Variants in NLRC3 observed in about 807,000 individuals in gnomAD.
The protein encoded by NLRC3 is NLR family CARD domain containing 3.
In NLRC3, 87 loss-of-function variants were observed where a neutral mutation model predicts 91.6. The observed-to-expected ratio is 0.95, with a 90% CI of 0.80 to 1.14. The LOEUF (loss-of-function observed/expected upper bound fraction) is 1.14. Among genes scored for constraint, NLRC3 ranks in the 50% most tolerant of loss-of-function variants. The pLI, the probability that NLRC3 is intolerant of heterozygous loss-of-function variation, is 0.00. For missense variants in NLRC3, 1,577 were observed against 1,418.6 expected (o/e 1.11, Z -1.79); for synonymous variants, 694 against 625.3 (o/e 1.11, Z -1.64).
At chr16:3,562,292 G>A (rs2039647656) in intron 5 of NLRC3, among the ~76,000 whole-genome samples, 2 of 152,140 alleles carry the variant, frequency 1.3e-5, no homozygotes, top group South Asian at 4.1e-4. Context: ...GTTAAGGTGG[G>A]GCCATGCTGA....
chr16:3,541,650 G>A lies in NLRC3; in HGVS notation c.*175C>T, dbSNP rs1171273942. On this transcript the variant is annotated 3_prime_UTR_variant, in exon 20 of 20. Transcript: ENST00000359128. The stretch of plus-strand genomic sequence containing the variant: ...CCCTGCCTGGACCACTCCTGCAGCA[G>A]AAGAGGAGCTCACGACCTCCTCCGG... 4 of 604,788 alleles carry A rather than the reference G, an allele frequency of 6.6e-6. No individual in the cohort carries two copies. Among genetic ancestry groups the A allele is most frequent in the Non-Finnish European group, 1.2e-5 (4 of 339,092 alleles). 37.5% of individuals were successfully genotyped at this position (604,788 alleles called of 1,614,324 possible).
At chr16:3,549,089 G>T in intron 13 of NLRC3, 53 bp downstream of exon 13, 2 of 1,339,232 alleles carry the variant, frequency 1.5e-6, no homozygotes, top group South Asian at 2.5e-5. Flanking sequence ...GGCTCGGTGT[G>T]GGTGTGGTCA....
chr16:3,542,755 C>A lies in NLRC3; in HGVS notation c.2960G>T (p.Gly987Val). Reference sequence around the variant, plus strand: ...TGCCAGGGCTTTGGCTCCAGCCACCCCAATGGCATTTCCTCTTAAGCTGTT... The same window carrying A: ...TGCCAGGGCTTTGGCTCCAGCCACCACAATGGCATTTCCTCTTAAGCTGTT... ...EILDLRGNAI[G>V]VAGAKALANA... The change falls in exon 18 of 20, where the codon GGG becomes GTG. Residue 987 changes from glycine (G) to valine (V), a missense_variant. Gly to Val is a moderately radical substitution (Grantham distance 109). Transcript: ENST00000359128. 6.2e-7 allele frequency: 1 copy of A among 1,608,260 alleles called. No homozygotes were observed. The highest frequency in any genetic ancestry group is 1.8e-4 in the Middle Eastern group (1 of 5,696).
chr16:3,548,611 G>A, intron 14 of NLRC3, 59 bp downstream of exon 14: 2 of 1,300,956 alleles, frequency 1.5e-6, no homozygotes, highest in Middle Eastern at 1.8e-4. Context: ...GTTGGTTTGG[G>A]TGGAGCCCGG....
rs774771502 is a variant in NLRC3, at chr16:3,554,303, C to T, written c.2206G>A (p.Asp736Asn). Residue 736 changes from aspartate (D) to asparagine (N), a missense_variant, in exon 9 of 20, where the codon GAT becomes AAT. Physicochemically the swap from Asp to Asn is conservative, Grantham distance 23 (BLOSUM62 1). Transcript: ENST00000359128. ...SLSLQGNTVRDDGARSMAEAL... is the reference protein window; with the variant it reads ...SLSLQGNTVRNDGARSMAEAL... ...TCAGCCATGGACCTGGCACCATCAT[C>T]CCTAACGGTGTTGCCCTGGAGGCTG... 17 of 1,613,664 alleles carry T rather than the reference C, an allele frequency of 1.1e-5. No individual in the cohort carries two copies. The highest frequency in any genetic ancestry group is 1.4e-5 in the Non-Finnish European group (17 of 1,179,720).
At chr16:3,569,262 C>T (rs546858707) in intron 1 of NLRC3, among the ~76,000 whole-genome samples, 72 of 143,904 alleles carry the variant, frequency 5.0e-4, no homozygotes, top group African/African-American at 1.7e-3. Flanking sequence ...TGCAGTGAGG[C>T]GAAAACGCAC....
intron 1 of NLRC3, among the ~76,000 whole-genome samples, chr16:3,574,432 G>C (rs543410324): frequency 6.6e-6 from 1 of 152,260 alleles, no homozygotes; most frequent in African/African-American, 2.4e-5. Flanking sequence ...GACCCGAGCG[G>C]GGCTGGGAGA....
At chr16:3,544,207 G>A in intron 16 of NLRC3, 39 bp downstream of exon 16, 1 of 1,261,248 alleles carries the variant, frequency 7.9e-7, no homozygotes, top group Non-Finnish European at 1.2e-6. Flanking sequence ...GATGGCGAAG[G>A]GACCGGTTTC....
At position 3,541,250 on chromosome 16, in the gene NLRC3, C is replaced by T. The variant is rs1275687197; in HGVS notation, c.*575G>A. 6.6e-6 allele frequency: 1 copy of T among 152,270 alleles called. No homozygotes were observed. The highest frequency in any genetic ancestry group is 1.5e-5 in the Non-Finnish European group (1 of 68,112). 9.4% of individuals were successfully genotyped at this position (152,270 alleles called of 1,614,324 possible). Reference sequence around the variant, plus strand: ...AAAATCCTTGGAGAACTCTTACTGTCTCTGTTTCCAGAATCCTAGAATTAA... The same window carrying T: ...AAAATCCTTGGAGAACTCTTACTGTTTCTGTTTCCAGAATCCTAGAATTAA... On this transcript the variant is annotated 3_prime_UTR_variant, in exon 20 of 20. Transcript: ENST00000359128.
At position 3,564,652 on chromosome 16, in the gene NLRC3, G is replaced by A. The variant is rs772787337; in HGVS notation, c.285C>T (p.Gly95=). The A allele has an allele frequency of 1.9e-6, 3 of 1,606,168 alleles. No homozygotes were observed. The African/African-American group carries it at 4.0e-5, about 21-fold the overall frequency. The change falls in exon 5 of 20, where the codon GGC becomes GGT. Residue 95 remains glycine (G), a synonymous_variant. Coordinates refer to ENST00000359128, the MANE Select transcript of NLRC3 (RefSeq NM_178844.4). This position sits in a 1 kb window ranked among gnomAD's most constrained non-coding sequence, Gnocchi z 5.9. ...HRLASLLLVE[G]LTDLQLREHD... ...GTTCCCTCAGCTGCAGGTCCGTCAG[G>A]CCCTCCACCAGCAGGAGGGAGGCCA...
Position 3,552,296 on chromosome 16 carries a change from AG to A in NLRC3, c.2268-18del. On this transcript the variant is annotated intron_variant, in intron 9 of 19. Transcript: ENST00000359128. The stretch of plus-strand genomic sequence containing the variant: ...TTCTGCAGGCTGTGGGAGAAAAGAG[AG>A]GGGTCCTTTAGAAAGGCTGGTCACA... The A allele has an allele frequency of 2.5e-6, 4 of 1,598,070 alleles. No individual in the cohort carries two copies. The highest frequency in any genetic ancestry group is 3.4e-6 in the Non-Finnish European group (4 of 1,165,726).
At chr16:3,551,855 C>A (rs946423805) in intron 10 of NLRC3, among the ~76,000 whole-genome samples, 1 of 150,638 alleles carries the variant, frequency 6.6e-6, no homozygotes, top group African/African-American at 2.4e-5. Context: ...ACCCATCCAC[C>A]ACTACCCACC....
intron 1 of NLRC3, among the ~76,000 whole-genome samples, chr16:3,568,024 C>A (rs1228005097): frequency 2.0e-5 from 3 of 151,820 alleles, no homozygotes; most frequent in Non-Finnish European, 2.9e-5. Flanking sequence ...TGCCACCACA[C>A]CTGGCTAATT....
rs147966529 is a variant in NLRC3 at position 3,539,955 on chromosome 16, A to T, written c.*1870T>A. 6.6e-6 allele frequency: 1 copy of T among 152,140 alleles called. No individual in the cohort carries two copies. Among genetic ancestry groups the T allele is most frequent in the African/African-American group, 2.4e-5 (1 of 41,422 alleles). The allele number at this position is 152,140 out of a possible 1,614,324, so 9.4% of individuals were successfully genotyped here. Reference sequence around the variant, plus strand: ...CATTTATTCTGCAGAATATCTGTCAATTTGGATTTTTTCTAATTGTTCTTT... The same window carrying T: ...CATTTATTCTGCAGAATATCTGTCATTTTGGATTTTTTCTAATTGTTCTTT... On this transcript the variant is annotated 3_prime_UTR_variant, in exon 20 of 20. Transcript: ENST00000359128.
chr16:3,574,487 G>A (rs2040213280), intron 1 of NLRC3, among the ~76,000 whole-genome samples: 1 of 152,108 alleles, frequency 6.6e-6, no homozygotes, highest in African/African-American at 2.4e-5. Context: ...GGGTTGGGGC[G>A]AGGCAGGACT....
In NLRC3 at chr16:3,563,897, G is replaced by A. The variant is rs761093276; in HGVS notation, c.1040C>T (p.Thr347Met). 5.6e-6 allele frequency: 9 copies of A among 1,595,588 alleles called. No homozygotes were observed. The highest frequency in any genetic ancestry group is 2.7e-5 in the African/African-American group (2 of 74,522). Residue 347 changes from threonine (T) to methionine (M), a missense_variant, in exon 5 of 20, where the codon ACG (threonine) becomes ATG (methionine). By Grantham distance (81) the Thr-to-Met change is moderately conservative. Coordinates refer to ENST00000359128, the MANE Select transcript of NLRC3 (RefSeq NM_178844.4). ...CCACAGCTCTGCATCCTGGGGCCCC[G>A]TCCTGCTGCGCCACAGGTGGCCTAG... ...MALGHLWRSR[T>M]GPQDAELWPP...
At chr16:3,572,111 A>G (rs1414145455) in intron 1 of NLRC3, among the ~76,000 whole-genome samples, 3 of 152,106 alleles carry the variant, frequency 2.0e-5, no homozygotes, top group Non-Finnish European at 4.4e-5. Flanking sequence ...AGAATTATGA[A>G]CCCCAAATGA....
chr16:3,571,662 C>T (rs1312738857), intron 1 of NLRC3, among the ~76,000 whole-genome samples: 1 of 151,698 alleles, frequency 6.6e-6, no homozygotes, highest in East Asian at 1.9e-4. Flanking sequence ...AAAATATTTG[C>T]CAGGCGTGGT....
rs1302824837 is a variant in NLRC3, at chr16:3,541,582, G to A, written c.*243C>T. ...GCCTTTGGCCCCTAGTCCCTTGGGGGTGGCCCCTCCCTTCTCTGTGCCATA... is the reference window on the plus strand; with the variant it reads ...GCCTTTGGCCCCTAGTCCCTTGGGGATGGCCCCTCCCTTCTCTGTGCCATA... On this transcript the variant is annotated 3_prime_UTR_variant, in exon 20 of 20. Transcript: ENST00000359128. 5.6e-6 allele frequency: 3 copies of A among 534,958 alleles called. No individual in the cohort carries two copies. Among genetic ancestry groups the A allele is most frequent in the East Asian group, 6.2e-5 (2 of 32,108 alleles). The allele number at this position is 534,958 out of a possible 1,614,324, so 33.1% of individuals were successfully genotyped here.
Sources: gnomAD v4.1 joint callset for allele counts (sites outside exome capture counted in the v4.1 genomes callset) on GRCh38, gnomAD v4.1.1 for gene constraint, Gnocchi (gnomAD v3.1) non-coding constraint, MANE v1.5 for transcripts, NCBI Gene and HGNC (gene_info 2026-07-23, HGNC 2026-07-21) for gene names.